RHOU: variants seen among roughly 807,000 people sequenced by gnomAD.
RHOU encodes the protein rho-related GTP-binding protein RhoU.
Under a neutral mutation model 12.6 loss-of-function variants are expected in RHOU, and 8 were observed. That is an observed-to-expected ratio of 0.64 (90% confidence interval 0.37 to 1.15). The LOEUF (loss-of-function observed/expected upper bound fraction) is 1.15. RHOU is among the 50% of genes most tolerant of loss of function. RHOU has a pLI of 0.01. For missense variants in RHOU, 258 were observed against 347.0 expected, an observed-to-expected ratio of 0.74 and a Z score of 2.04; for synonymous variants, 161 against 147.4, an observed-to-expected ratio of 1.09 and a Z score of -0.67.
chr1:228,664,854 G>C, the RHOU span, among the ~76,000 whole-genome samples: 1 of 151,928 alleles, frequency 6.6e-6, no homozygotes, highest in Non-Finnish European at 1.5e-5. Context: ...TTTTGGTCTC[G>C]AAATCCTGAC....
At chr1:228,664,314 G>T in the RHOU span, among the ~76,000 whole-genome samples, 212 of 151,596 alleles carry the variant, frequency 1.4e-3, 1 homozygote, top group African/African-American at 5.0e-3. Flanking sequence ...GCTCGGCCTG[G>T]ATTTCTTCAT....
At chr1:228,719,369 T>C in the RHOU span, among the ~76,000 whole-genome samples, 1 of 152,238 alleles carries the variant, frequency 6.6e-6, no homozygotes, top group Non-Finnish European at 1.5e-5. Flanking sequence ...CTATTCTGTT[T>C]CTGGAGTATA....
the RHOU span, among the ~76,000 whole-genome samples, chr1:228,654,510 G>A: frequency 6.6e-6 from 1 of 152,160 alleles, no homozygotes; most frequent in Non-Finnish European, 1.5e-5. Context: ...CTGCAAACCA[G>A]AACAAGAAGT....
the RHOU span, chr1:228,650,459 T>C: frequency 6.6e-6 from 3 of 456,644 alleles, no homozygotes; most frequent in Non-Finnish European, 1.3e-5. Flanking sequence ...CGGAGCACGC[T>C]GCTGCTGCAG....
chr1:228,694,389 C>T, the RHOU span, among the ~76,000 whole-genome samples: 5 of 152,010 alleles, frequency 3.3e-5, no homozygotes, highest in Non-Finnish European at 5.9e-5. Flanking sequence ...CATAGGTAAA[C>T]GTGTGCCATG....
chr1:228,728,232 G>T, the RHOU span, among the ~76,000 whole-genome samples: 1 of 152,180 alleles, frequency 6.6e-6, no homozygotes, highest in East Asian at 1.9e-4. Context: ...AACAGCATCT[G>T]TTTTCCACGT....
chr1:228,659,966 C>CCCAACACCAAAAAAAAAAAAA, the RHOU span, among the ~76,000 whole-genome samples: 1 of 76,714 alleles, frequency 1.3e-5, no homozygotes, highest in Non-Finnish European at 2.7e-5. Context: ...AAAAAAAAAA[C>CCCAACACCAAAAAAAAAAAAA]AAAAAAAAAA....
chr1:228,652,869 A>G, the RHOU span, among the ~76,000 whole-genome samples: 1 of 152,204 alleles, frequency 6.6e-6, no homozygotes, highest in African/African-American at 2.4e-5. Flanking sequence ...TAAAGTTTTC[A>G]GCAATTTGAT....
chr1:228,690,762 C>T, the RHOU span, among the ~76,000 whole-genome samples: 1 of 152,120 alleles, frequency 6.6e-6, no homozygotes, highest in Non-Finnish European at 1.5e-5. Context: ...AGATTACAGG[C>T]GCCCACCACA....
At chr1:228,673,906 G>A in the RHOU span, among the ~76,000 whole-genome samples, 1 of 152,202 alleles carries the variant, frequency 6.6e-6, no homozygotes. Flanking sequence ...CGTATCTAGT[G>A]CTACAGTTGC....
the RHOU span, among the ~76,000 whole-genome samples, chr1:228,696,837 A>G: frequency 6.6e-6 from 1 of 152,192 alleles, no homozygotes; most frequent in Admixed American, 6.5e-5. Context: ...ATGAGCCACC[A>G]TGCCTGGTCA....
the RHOU span, among the ~76,000 whole-genome samples, chr1:228,713,799 G>A: frequency 6.6e-6 from 1 of 152,174 alleles, no homozygotes; most frequent in African/African-American, 2.4e-5. Flanking sequence ...GGAAGTGGGA[G>A]CAGTCTTATA....
At chr1:228,660,354 TA>T in the RHOU span, among the ~76,000 whole-genome samples, 2,689 of 114,360 alleles carry the variant, frequency 0.024, 72 homozygotes, top group African/African-American at 0.07. Context: ...CCGAAAAAAA[TA>T]AAAAAAAAAA....
At chr1:228,650,509 G>T in the RHOU span, 1 of 456,708 alleles carries the variant, frequency 2.2e-6, no homozygotes, top group South Asian at 1.5e-5. Flanking sequence ...GCTGAACTAG[G>T]GGAGCTGCCA....
the RHOU span, among the ~76,000 whole-genome samples, chr1:228,717,114 CAA>C: frequency 9.2e-5 from 14 of 152,176 alleles, no homozygotes; most frequent in Non-Finnish European, 4.4e-5. Context: ...GAACTGAAGT[CAA>C]GAGTTAGTCT....
At chr1:228,699,120 T>G in the RHOU span, among the ~76,000 whole-genome samples, 1 of 150,750 alleles carries the variant, frequency 6.6e-6, no homozygotes, top group Non-Finnish European at 1.5e-5. Context: ...GGTGAAAATA[T>G]ACTCTGGCAT....
intron 1 of RHOU, among the ~76,000 whole-genome samples, chr1:228,736,260 C>G (rs79400588): frequency 2.8e-5 from 2 of 70,916 alleles, no homozygotes; most frequent in Non-Finnish European, 5.4e-5. Flanking sequence ...AGAGCCTTGC[C>G]AAAAAAAAAA....
At chr1:228,657,837 C>T in the RHOU span, among the ~76,000 whole-genome samples, 1 of 152,144 alleles carries the variant, frequency 6.6e-6, no homozygotes, top group African/African-American at 2.4e-5. Context: ...CTTCTCTGAC[C>T]ACAACAGAAT....
chr1:228,727,843 T>A, the RHOU span, among the ~76,000 whole-genome samples: 1 of 151,994 alleles, frequency 6.6e-6, no homozygotes, highest in Non-Finnish European at 1.5e-5. Flanking sequence ...GACTGAAAAA[T>A]TAGGGGAGAT....
Sources: allele counts gnomAD v4.1 joint callset (sites outside exome capture counted in the v4.1 genomes callset), GRCh38; gene constraint gnomAD v4.1.1; transcripts MANE v1.5; gene names NCBI Gene and HGNC (gene_info 2026-07-23, HGNC 2026-07-21).